The following SCAPER variants were observed in gnomAD, a reference collection of about 807,000 sequenced individuals.
SCAPER encodes the protein S-phase cyclin A associated protein in the ER.
In SCAPER, 98 loss-of-function variants were observed where a neutral mutation model predicts 182.2. The observed-to-expected ratio is 0.54, with a 90% CI of 0.46 to 0.64. The LOEUF (loss-of-function observed/expected upper bound fraction) is 0.64. Ranked by LOEUF, SCAPER falls within the 30% of genes least tolerant of loss-of-function variation. SCAPER has a pLI of 0.00. For synonymous variants in SCAPER, 605 were observed against 564.6 expected, an observed-to-expected ratio of 1.07 and a Z score of -1.01; for missense variants, 1,432 against 1,690.0, an observed-to-expected ratio of 0.85 and a Z score of 2.68.
At chr15:76,454,066 C>T (rs1257615350) in intron 25 of SCAPER, among the ~76,000 whole-genome samples, 3 of 151,184 alleles carry the variant, frequency 2.0e-5, no homozygotes, top group African/African-American at 7.3e-5. Flanking sequence ...TAGTATCCTT[C>T]ACTAGCGGAT....
At chr15:76,751,676 T>A (rs1459479452) in intron 15 of SCAPER, among the ~76,000 whole-genome samples, 1 of 151,640 alleles carries the variant, frequency 6.6e-6, no homozygotes, top group Non-Finnish European at 1.5e-5. Flanking sequence ...GACAGCCACA[T>A]GGCAAAAAAT....
chr15:76,422,361 A>G (rs1432296210), intron 26 of SCAPER, among the ~76,000 whole-genome samples: 1 of 152,016 alleles, frequency 6.6e-6, no homozygotes, highest in African/African-American at 2.4e-5. Flanking sequence ...ATTCCTAGGT[A>G]TTTTACTCTC....
intron 21 of SCAPER, among the ~76,000 whole-genome samples, chr15:76,656,093 A>G (rs2055610516): frequency 6.6e-6 from 1 of 152,164 alleles, no homozygotes; most frequent in South Asian, 2.1e-4. Context: ...TAATGCCCTC[A>G]ATTAAAAGGT....
In SCAPER at chr15:76,418,903, C is replaced by A. The variant is rs576493189; in HGVS notation, c.3312-14224G>T. Among the ~76,000 whole-genome samples, 5 of 152,372 alleles carry A rather than the reference C, an allele frequency of 3.3e-5. No homozygotes were observed. The South Asian group carries it at 8.3e-4, about 25-fold the overall frequency. ...TGCCTGAACCCAGTCTTGAAGCCAG[C>A]CTGGTTGTGGCTGCTGCCTTCCTGG... On this transcript the variant is annotated intron_variant, in intron 26 of 31. Coordinates refer to ENST00000563290, the MANE Select transcript of SCAPER (RefSeq NM_020843.4).
At chr15:76,890,337 T>C (rs1339061242) in intron 1 of SCAPER, among the ~76,000 whole-genome samples, 6 of 151,814 alleles carry the variant, frequency 4.0e-5, no homozygotes, top group Non-Finnish European at 8.8e-5. Context: ...CTGAAGGAAA[T>C]AGAGACACAA....
intron 25 of SCAPER, among the ~76,000 whole-genome samples, chr15:76,462,732 G>T (rs1385371660): frequency 6.6e-6 from 1 of 152,090 alleles, no homozygotes; most frequent in East Asian, 1.9e-4. Flanking sequence ...TAGTAGAAAG[G>T]CAATCTGAGT....
chr15:76,350,967 A>G (rs150505431), intron 31 of SCAPER: 23 of 306,364 alleles, frequency 7.5e-5, no homozygotes, highest in African/African-American at 2.2e-4. Context: ...TTACCATTTA[A>G]TATATCTTGC....
chr15:76,412,845 C>T (rs1465100639), intron 26 of SCAPER, among the ~76,000 whole-genome samples: 1 of 151,890 alleles, frequency 6.6e-6, no homozygotes, highest in African/African-American at 2.4e-5. Context: ...AATGTTTTAC[C>T]AATATTGAGT....
At chr15:76,615,674 G>T (rs866368448) in intron 22 of SCAPER, among the ~76,000 whole-genome samples, 14 of 150,922 alleles carry the variant, frequency 9.3e-5, no homozygotes, top group Middle Eastern at 3.4e-3. Flanking sequence ...CAAAAAACTA[G>T]CTGGGCACGG....
chr15:76,433,800 G>C (rs1427275966), intron 26 of SCAPER, among the ~76,000 whole-genome samples: 1 of 152,076 alleles, frequency 6.6e-6, no homozygotes, highest in Non-Finnish European at 1.5e-5. Context: ...TCATAATTAG[G>C]AAAAAGAACT....
At position 76,753,959 on chromosome 15, in the gene SCAPER, T is replaced by C. The variant is rs745328808; in HGVS notation, c.1726-11A>G. The C allele has an allele frequency of 1.9e-6, 3 of 1,610,128 alleles. No individual in the cohort carries two copies. The African/African-American group carries it at 4.0e-5, about 22-fold the overall frequency. On this transcript the variant is annotated splice_polypyrimidine_tract_variant and intron_variant, in intron 14 of 31. Transcript: ENST00000563290. ...CCGGACATCCTTCTCCTACGTATAGTGAATCATCACATCCTTAATTTCAAT... is the reference window on the plus strand; with the variant it reads ...CCGGACATCCTTCTCCTACGTATAGCGAATCATCACATCCTTAATTTCAAT...
At chr15:76,579,349 A>C (rs1188817793) in intron 22 of SCAPER, among the ~76,000 whole-genome samples, 1 of 151,826 alleles carries the variant, frequency 6.6e-6, no homozygotes, top group African/African-American at 2.4e-5. Context: ...TAGAAACAAC[A>C]AAAAGTGAAA....
At chr15:76,420,824 A>G (rs900225412) in intron 26 of SCAPER, among the ~76,000 whole-genome samples, 2 of 152,078 alleles carry the variant, frequency 1.3e-5, no homozygotes, top group African/African-American at 4.8e-5. Context: ...CCTGTGTCCA[A>G]GTGTTCTCAT....
chr15:76,736,706 TCTGG>T lies in SCAPER; in HGVS notation c.1867-3326_1867-3323del, dbSNP rs2061286501. The T allele has an allele frequency of 2.6e-5, 4 of 154,740 alleles. No individual in the cohort carries two copies. In the Admixed American group the frequency reaches 2.6e-4, roughly 10 times the overall value. The allele number at this position is 154,740 out of a possible 1,614,324, so 9.6% of individuals were successfully genotyped here. ...TGATCGCCAGGGTTGATTCAGCTGA[TCTGG>T]CTGGCTAAGCGGGTGTCCCCTTCCT... is the stretch of plus-strand genomic sequence containing the variant. On this transcript the variant is annotated intron_variant, in intron 15 of 31. Transcript: ENST00000563290.
chr15:76,727,010 A>T (rs2151011182), intron 17 of SCAPER, among the ~76,000 whole-genome samples: 1 of 151,956 alleles, frequency 6.6e-6, no homozygotes, highest in Admixed American at 6.6e-5. Context: ...CATGCTATTT[A>T]TATTTTTTGC....
chr15:76,473,477 T>G (rs1362631737), intron 24 of SCAPER, among the ~76,000 whole-genome samples: 1 of 152,232 alleles, frequency 6.6e-6, no homozygotes, highest in Non-Finnish European at 1.5e-5. Flanking sequence ...AAACCTGCAT[T>G]GCCTGAGTGA....
intron 5 of SCAPER, among the ~76,000 whole-genome samples, chr15:76,818,951 G>A (rs2067300025): frequency 6.6e-6 from 1 of 152,234 alleles, no homozygotes. Context: ...CCCGCACATG[G>A]CTCGGAGGGT....
At chr15:76,887,383 G>A (rs2151969893) in intron 1 of SCAPER, among the ~76,000 whole-genome samples, 1 of 152,316 alleles carries the variant, frequency 6.6e-6, no homozygotes, top group South Asian at 2.1e-4. Flanking sequence ...AGGGGTTGGG[G>A]ATTTCTCATT....
chr15:76,505,584 A>G (rs953896924), intron 23 of SCAPER, among the ~76,000 whole-genome samples: 2 of 152,190 alleles, frequency 1.3e-5, no homozygotes, highest in African/African-American at 4.8e-5. Flanking sequence ...TTATCCAAAG[A>G]CAGGTAGTAA....
Sources: allele counts gnomAD v4.1 joint callset (sites outside exome capture counted in the v4.1 genomes callset), GRCh38; gene constraint gnomAD v4.1.1; transcripts MANE v1.5; gene names NCBI Gene and HGNC (gene_info 2026-07-23, HGNC 2026-07-21).